SSBP1: variants seen among roughly 807,000 people sequenced by gnomAD.
SSBP1 encodes single-stranded DNA-binding protein, mitochondrial.
SSBP1 carries 20 observed loss-of-function variants against 27.0 expected under a neutral mutation model. That is an observed-to-expected ratio of 0.74 (90% CI 0.52 to 1.08). SSBP1 has a LOEUF of 1.08. Among genes scored for constraint, SSBP1 ranks in the 50% least tolerant of loss-of-function variants. SSBP1 has a pLI of 0.00. For missense variants in SSBP1, 137 were observed against 182.4 expected, an observed-to-expected ratio of 0.75 and a Z score of 1.44; for synonymous variants, 59 against 59.3, an observed-to-expected ratio of 1.00 and a Z score of 0.02.
chr7:141,745,298 T>C (rs989785726), intron 5 of SSBP1, among the ~76,000 whole-genome samples, 198 bp from the exon 6 acceptor site: 1 of 152,192 alleles, frequency 6.6e-6, no homozygotes, highest in Non-Finnish European at 1.5e-5. Context: ...CATTGTCTGT[T>C]TTACCTAGAT....
At chr7:141,744,611 G>T (rs1472347033) in intron 5 of SSBP1, among the ~76,000 whole-genome samples, 1 of 152,146 alleles carries the variant, frequency 6.6e-6, no homozygotes, top group Non-Finnish European at 1.5e-5. Flanking sequence ...TACTTGTTTT[G>T]TAGAAAGAAA....
rs141266189 is a variant in SSBP1 at position 141,749,833 on chromosome 7, A to G, written c.404-478A>G. Among the ~76,000 whole-genome samples, 158 of 152,340 alleles carry G rather than the reference A, an allele frequency of 1.0e-3. 1 individual carries two copies. The highest frequency in any genetic ancestry group is 3.4e-3 in the Middle Eastern group (1 of 294). On this transcript the variant is annotated intron_variant, in intron 6 of 6. Transcript: ENST00000265304. ...GTAATTTAAAAATAAAATTTCTTCT[A>G]TTTGAATTTTTAAAGTTAAAAACGT...
At chr7:141,744,605 T>G (rs1238636388) in intron 5 of SSBP1, among the ~76,000 whole-genome samples, 2 of 152,242 alleles carry the variant, frequency 1.3e-5, no homozygotes, top group Non-Finnish European at 2.9e-5. Context: ...GAAATGTACT[T>G]GTTTTGTAGA....
chr7:141,744,871 T>C (rs1799715020), intron 5 of SSBP1, among the ~76,000 whole-genome samples: 1 of 152,152 alleles, frequency 6.6e-6, no homozygotes, highest in Admixed American at 6.5e-5. Context: ...TTTTTGGTGG[T>C]GGTAGACTCT....
chr7:141,749,236 C>T (rs777849645), intron 6 of SSBP1, among the ~76,000 whole-genome samples: 16 of 152,104 alleles, frequency 1.1e-4, no homozygotes, highest in Non-Finnish European at 1.5e-4. Flanking sequence ...AGAGGAAGTA[C>T]ATAGGTTATA....
intron 1 of SSBP1, 129 bp from the exon 2 acceptor site, chr7:141,738,995 G>A: frequency 2.0e-6 from 1 of 508,754 alleles, no homozygotes; most frequent in Middle Eastern, 5.1e-4. Flanking sequence ...GTGCAGGAAT[G>A]TTGGTACGTT....
intron 1 of SSBP1, 75 bp from the exon 2 acceptor site, chr7:141,739,049 G>C (rs1799402286): frequency 1.3e-6 from 1 of 779,624 alleles, no homozygotes; most frequent in Admixed American, 2.8e-5. Flanking sequence ...AATATAGTTA[G>C]GAATTTAGGA....
At chr7:141,742,863 C>CT (rs112265951) in intron 3 of SSBP1, among the ~76,000 whole-genome samples, 12 of 151,594 alleles carry the variant, frequency 7.9e-5, no homozygotes, top group South Asian at 2.1e-4. Flanking sequence ...GTGTGGATTT[C>CT]TTTTTTTTTG....
chr7:141,750,306 T>G lies in SSBP1; in HGVS notation c.404-5T>G, dbSNP rs937696601. On this transcript the variant is annotated splice_region_variant and splice_polypyrimidine_tract_variant and intron_variant, in intron 6 of 6. Coordinates refer to ENST00000265304, the MANE Select transcript of SSBP1 (RefSeq NM_003143.3). ...ATTAATATTTACATTTTGGCTTTTT[T>G]ACAGATAATATTATATTTCTGAGTG... 2.5e-6 allele frequency: 4 copies of G among 1,590,450 alleles called. No individual in the cohort carries two copies. The highest frequency in any genetic ancestry group is 3.4e-6 in the Non-Finnish European group (4 of 1,169,864).
intron 2 of SSBP1, chr7:141,741,883 C>A: frequency 4.7e-6 from 4 of 855,990 alleles, no homozygotes; most frequent in Non-Finnish European, 4.5e-6. Flanking sequence ...CACAGAAGTG[C>A]CATAATCAAG....
chr7:141,748,556 G>C (rs1214739961), intron 6 of SSBP1, among the ~76,000 whole-genome samples: 1 of 152,124 alleles, frequency 6.6e-6, no homozygotes, highest in African/African-American at 2.4e-5. Context: ...ACCCTCCTGT[G>C]GGTCCCAATA....
At chr7:141,744,245 A>G (rs1799681037) in intron 5 of SSBP1, among the ~76,000 whole-genome samples, 1 of 152,274 alleles carries the variant, frequency 6.6e-6, no homozygotes, top group Admixed American at 6.5e-5. Flanking sequence ...GTGTACATAA[A>G]TAGAAATAGA....
Position 141,750,240 on chromosome 7 carries a change from T to C in SSBP1, c.404-71T>C, listed in dbSNP as rs545802019. The C allele has an allele frequency of 1.2e-5, 13 of 1,111,032 alleles. No individual in the cohort carries two copies. The East Asian group carries it at 2.4e-4, about 21-fold the overall frequency. The allele number at this position is 1,111,032 out of a possible 1,614,324, so 68.8% of individuals were successfully genotyped here. ...TGAACAGCACTAAAGTTATATGTATTAGAGGAGAATTATTGAATGAGATGG... is the reference window on the plus strand; with the variant it reads ...TGAACAGCACTAAAGTTATATGTATCAGAGGAGAATTATTGAATGAGATGG... On this transcript the variant is annotated intron_variant, in intron 6 of 6. Transcript: ENST00000265304.
At chr7:141,746,987 G>C (rs1206417598) in intron 6 of SSBP1, among the ~76,000 whole-genome samples, 6 of 151,984 alleles carry the variant, frequency 3.9e-5, no homozygotes, top group Non-Finnish European at 7.4e-5. Flanking sequence ...CCTCAGAAGT[G>C]TATCTTAATA....
intron 6 of SSBP1, among the ~76,000 whole-genome samples, chr7:141,749,839 A>AT (rs1799902344): frequency 6.6e-6 from 1 of 152,244 alleles, no homozygotes; most frequent in South Asian, 2.1e-4. Context: ...TTCTATTTGA[A>AT]TTTTTAAAGT....
chr7:141,743,866 G>A (rs1799665054), intron 4 of SSBP1, 36 bp from the exon 5 acceptor site: 1 of 1,591,604 alleles, frequency 6.3e-7, no homozygotes, highest in Non-Finnish European at 8.5e-7. Context: ...GTTGTCTGTT[G>A]GCATTTGTAA....
At chr7:141,746,109 C>CT in intron 6 of SSBP1, 1 of 361,520 alleles carries the variant, frequency 2.8e-6, no homozygotes, top group East Asian at 1.6e-4. Flanking sequence ...CAACCTCTGT[C>CT]TCCTGGATTC....
intron 6 of SSBP1, 24 bp downstream of exon 6, chr7:141,745,608 G>A (rs1373690848): frequency 4.3e-6 from 7 of 1,611,930 alleles, no homozygotes; most frequent in Non-Finnish European, 5.9e-6. Context: ...GAAAATAGCT[G>A]TTTTTTTCTT....
intron 3 of SSBP1, among the ~76,000 whole-genome samples, chr7:141,742,613 C>G (rs972557514): frequency 2.6e-5 from 4 of 152,040 alleles, no homozygotes; most frequent in Non-Finnish European, 4.4e-5. Flanking sequence ...TTTAGCTCCA[C>G]AGTCAGTTAA....
Sources: gnomAD v4.1 joint callset for allele counts (sites outside exome capture counted in the v4.1 genomes callset) on GRCh38, gnomAD v4.1.1 for gene constraint, MANE v1.5 for transcripts, NCBI Gene and HGNC (gene_info 2026-07-23, HGNC 2026-07-21) for gene names.